The following ABLIM3 variants were observed in gnomAD, a reference collection of about 807,000 sequenced individuals.
The protein encoded by ABLIM3 is actin binding LIM protein family member 3, also known as actin-binding LIM protein 3.
Under a neutral mutation model 109.5 loss-of-function variants are expected in ABLIM3, and 61 were observed. That is an observed-to-expected ratio of 0.56 (90% CI 0.45 to 0.69). The LOEUF (loss-of-function observed/expected upper bound fraction) is 0.69. ABLIM3 is among the 30% of genes least tolerant of loss of function. ABLIM3 has a pLI of 0.00. For synonymous variants in ABLIM3, 300 were observed against 324.8 expected (o/e 0.92, Z 0.82); for missense variants, 796 against 889.5 (o/e 0.89, Z 1.34).
Position 149,144,818 on chromosome 5 carries a change from C to G in ABLIM3, c.13+2710C>G, listed in dbSNP as rs947422300. Among the ~76,000 whole-genome samples, 11 of 152,262 alleles carry G rather than the reference C, an allele frequency of 7.2e-5. 1 individual carries two copies. Among genetic ancestry groups the G allele is most frequent in the Admixed American group, 7.2e-4 (11 of 15,298 alleles). ...TCCTAATCAATGATTCAAATGTCAA[C>G]ACTGAAATAGAGGCAAAGCATGAGA... On this transcript the variant is annotated intron_variant, in intron 2 of 23. Transcript: ENST00000309868.
intron 8 of ABLIM3, chr5:149,218,096 G>A (rs1760276682): frequency 6.6e-6 from 1 of 152,296 alleles, no homozygotes; most frequent in Admixed American, 6.5e-5. Context: ...CCATGAGTGG[G>A]TGTTAACTGA....
chr5:149,244,705 T>G (rs185673423), intron 15 of ABLIM3, 176 bp from the exon 16 acceptor site: 260 of 738,008 alleles, frequency 3.5e-4, no homozygotes, highest in Non-Finnish European at 4.5e-5. Flanking sequence ...AAAATGAGGG[T>G]TTGGCCCCAG....
chr5:149,146,968 T>C (rs1285920117), intron 2 of ABLIM3, among the ~76,000 whole-genome samples: 1 of 152,222 alleles, frequency 6.6e-6, no homozygotes, highest in Non-Finnish European at 1.5e-5. Context: ...TTTTCATTTG[T>C]TTGTGTCATC....
intron 3 of ABLIM3, among the ~76,000 whole-genome samples, chr5:149,187,595 C>G (rs1025950783): frequency 6.6e-6 from 1 of 151,736 alleles, no homozygotes; most frequent in East Asian, 2.0e-4. Context: ...AGAATTAATA[C>G]GTTAGTATGT....
intron 2 of ABLIM3, among the ~76,000 whole-genome samples, chr5:149,153,908 G>C (rs1753655606): frequency 6.6e-6 from 1 of 152,204 alleles, no homozygotes; most frequent in African/African-American, 2.4e-5. Flanking sequence ...TTGTGTGCCT[G>C]TGCTACAGCC....
chr5:149,183,259 G>T (rs983883770), intron 2 of ABLIM3, among the ~76,000 whole-genome samples, 193 bp from the exon 3 acceptor site: 5 of 152,158 alleles, frequency 3.3e-5, no homozygotes, highest in African/African-American at 1.2e-4. Context: ...GCTTAAGGAG[G>T]GCTATGGACA....
chr5:149,247,890 G>A lies in ABLIM3; in HGVS notation c.1660G>A (p.Ala554Thr). The A allele has an allele frequency of 6.2e-7, 1 of 1,614,226 alleles. No individual in the cohort carries two copies. The highest frequency in any genetic ancestry group is 8.5e-7 in the Non-Finnish European group (1 of 1,180,034). ...CCGGAGCTCCACCAGCAGCCGGGAAGCCCTGCACACAGCTGGCTATGAGAT... is the reference window on the plus strand; with the variant it reads ...CCGGAGCTCCACCAGCAGCCGGGAAACCCTGCACACAGCTGGCTATGAGAT... ...PPRSSTSSRE[A>T]LHTAGYEMSL... is the part of the protein sequence containing the mutation. Residue 554 changes from alanine (A) to threonine (T), a missense_variant, in exon 18 of 24, where the codon GCC becomes ACC. By Grantham distance (58) the Ala-to-Thr change is moderately conservative. Transcript: ENST00000309868.
At chr5:149,237,665 C>T in intron 11 of ABLIM3, 62 bp downstream of exon 11, 2 of 1,596,302 alleles carry the variant, frequency 1.3e-6, no homozygotes, top group Non-Finnish European at 8.5e-7. Flanking sequence ...CTGGGGTCCC[C>T]AGCCCTCTCC....
At chr5:149,221,785 G>GT (rs930510988) in intron 8 of ABLIM3, among the ~76,000 whole-genome samples, 2 of 152,024 alleles carry the variant, frequency 1.3e-5, no homozygotes, top group African/African-American at 2.4e-5. Context: ...ATCAGTGAGA[G>GT]TTTTTTTAAA....
chr5:149,245,208 G>A (rs1413726514), intron 16 of ABLIM3, among the ~76,000 whole-genome samples, 193 bp downstream of exon 16: 2 of 152,202 alleles, frequency 1.3e-5, no homozygotes, highest in Non-Finnish European at 2.9e-5. Flanking sequence ...ATACACTGGG[G>A]AGCAAAACAG....
chr5:149,241,418 G>T (rs1752828662), intron 14 of ABLIM3, among the ~76,000 whole-genome samples: 1 of 152,234 alleles, frequency 6.6e-6, no homozygotes, highest in Non-Finnish European at 1.5e-5. Context: ...GGCCAGGCTA[G>T]ATGGGGCGGT....
intron 2 of ABLIM3, among the ~76,000 whole-genome samples, chr5:149,149,586 G>T (rs1173869024): frequency 1.3e-5 from 2 of 152,142 alleles, no homozygotes; most frequent in Non-Finnish European, 2.9e-5. Context: ...GATCCCAATT[G>T]TCCTAGTTCA....
In ABLIM3 at chr5:149,245,029, A is replaced by G. The variant is rs1753211774; in HGVS notation, c.1486+14A>G. On this transcript the variant is annotated intron_variant, in intron 16 of 23. Coordinates refer to ENST00000309868, the MANE Select transcript of ABLIM3 (RefSeq NM_014945.5). Reference sequence around the variant, plus strand: ...GGTCCCCCAAAGGTAGTACCCCCATAGGAGCCTGGGTCCAGGGCCCTAACA... The same window carrying G: ...GGTCCCCCAAAGGTAGTACCCCCATGGGAGCCTGGGTCCAGGGCCCTAACA... 6.2e-7 allele frequency: 1 copy of G among 1,614,162 alleles called. No individual in the cohort carries two copies.
At chr5:149,174,688 A>G (rs1755763813) in intron 2 of ABLIM3, 1 of 152,236 alleles carries the variant, frequency 6.6e-6, no homozygotes, top group African/African-American at 2.4e-5. Flanking sequence ...CCTTCAGGAT[A>G]CACTGGGCAG....
At chr5:149,159,622 T>C (rs979300939) in intron 2 of ABLIM3, among the ~76,000 whole-genome samples, 6 of 152,174 alleles carry the variant, frequency 3.9e-5, no homozygotes, top group African/African-American at 1.4e-4. Flanking sequence ...TAACTTGAGA[T>C]CTCAGCTCTC....
At chr5:149,249,193 T>A (rs1383842288) in intron 18 of ABLIM3, among the ~76,000 whole-genome samples, 1 of 152,230 alleles carries the variant, frequency 6.6e-6, no homozygotes, top group African/African-American at 2.4e-5. Flanking sequence ...AGCTCTTCCC[T>A]CTTCCCCATA....
intron 12 of ABLIM3, 94 bp from the exon 13 acceptor site, chr5:149,239,665 C>A: frequency 6.7e-7 from 1 of 1,487,594 alleles, no homozygotes; most frequent in Non-Finnish European, 9.0e-7. Flanking sequence ...CCGAGAATCC[C>A]AGATTCCATG....
rs567993813 is a variant in ABLIM3, at chr5:149,203,082, C to T, written c.448+2654C>T. ...ATCACTAACATCAACACCATCACTACCATTGCCATCACCATTGCACCACTA... is the reference window on the plus strand; with the variant it reads ...ATCACTAACATCAACACCATCACTATCATTGCCATCACCATTGCACCACTA... On this transcript the variant is annotated intron_variant, in intron 5 of 23. Coordinates refer to ENST00000309868, the MANE Select transcript of ABLIM3 (RefSeq NM_014945.5). Among the ~76,000 whole-genome samples the T allele has an allele frequency of 1.1e-4, 16 of 151,902 alleles. 1 individual carries two copies. The highest frequency in any genetic ancestry group is 3.9e-4 in the African/African-American group (16 of 41,406).
rs571219404 is a variant in ABLIM3, at chr5:149,199,544, G to A, written c.336-772G>A. Among the ~76,000 whole-genome samples, 464 of 152,250 alleles carry A rather than the reference G, an allele frequency of 3.0e-3. 3 individuals carry two copies. The highest frequency in any genetic ancestry group is 0.01 in the African/African-American group (434 of 41,538). On this transcript the variant is annotated intron_variant, in intron 4 of 23. Coordinates refer to ENST00000309868, the MANE Select transcript of ABLIM3 (RefSeq NM_014945.5). ...AAGCCAGGTGACTCCCCAAGATCAC[G>A]CAATGTCTTTCTACCAAAAGCTAGT...
Sources: allele counts gnomAD v4.1 joint callset (sites outside exome capture counted in the v4.1 genomes callset), GRCh38; gene constraint gnomAD v4.1.1; transcripts MANE v1.5; gene names NCBI Gene and HGNC (gene_info 2026-07-23, HGNC 2026-07-21).